LRRK1: variants seen among roughly 807,000 people sequenced by gnomAD.
The protein encoded by LRRK1 is leucine-rich repeat serine/threonine-protein kinase 1.
LRRK1 carries 113 observed loss-of-function variants against 209.1 expected under a neutral mutation model. The observed-to-expected ratio is 0.54, with a 90% CI of 0.46 to 0.63. The LOEUF (loss-of-function observed/expected upper bound fraction) is 0.63, where lower values mean the gene tolerates loss of function less well. Among genes scored for constraint, LRRK1 ranks in the 30% least tolerant of loss-of-function variants. LRRK1 has a pLI of 0.00. For synonymous variants in LRRK1, 1,144 were observed against 1,099.7 expected (o/e 1.04, Z -0.80); for missense variants, 2,284 against 2,632.2 (o/e 0.87, Z 2.89).
chr15:101,064,957 A>AG (rs2036441944), intron 31 of LRRK1: 1 of 229,158 alleles, frequency 4.4e-6, no homozygotes, highest in African/African-American at 2.3e-5. Flanking sequence ...CACCGAGAAA[A>AG]GGGCGGGGGC....
At chr15:100,959,031 G>A (rs11854204) in intron 2 of LRRK1, among the ~76,000 whole-genome samples, 79,348 of 151,988 alleles carry the variant, frequency 0.52, 21,261 homozygotes, top group Middle Eastern at 0.62. Flanking sequence ...TACCACTGTT[G>A]TGCTGAAGTG....
intron 20 of LRRK1, among the ~76,000 whole-genome samples, chr15:101,040,742 A>ATATAT (rs1394443625): frequency 6.6e-6 from 1 of 152,200 alleles, no homozygotes; most frequent in Non-Finnish European, 1.5e-5. Flanking sequence ...AGATTTTCTA[A>ATATAT]TATATCTTAT....
intron 21 of LRRK1, among the ~76,000 whole-genome samples, chr15:101,047,705 G>A (rs531216996): frequency 3.2e-4 from 49 of 152,294 alleles, no homozygotes; most frequent in East Asian, 9.7e-4. Context: ...GGCACGGAGC[G>A]GCCCCGCGCA....
chr15:101,050,378 TG>T (rs1436301891), intron 23 of LRRK1, among the ~76,000 whole-genome samples: 1 of 152,154 alleles, frequency 6.6e-6, no homozygotes, highest in Non-Finnish European at 1.5e-5. Context: ...GTTTTGCTCC[TG>T]GGGTGGAGAC....
chr15:100,929,575 AGGAAG>A (rs1400955098), intron 2 of LRRK1, among the ~76,000 whole-genome samples: 2 of 152,218 alleles, frequency 1.3e-5, no homozygotes, highest in Non-Finnish European at 2.9e-5. Flanking sequence ...AGATCAAATT[AGGAAG>A]AGCCTCTAGG....
At chr15:101,003,752 C>A (rs1452719011) in intron 6 of LRRK1, among the ~76,000 whole-genome samples, 1 of 152,212 alleles carries the variant, frequency 6.6e-6, no homozygotes, top group Non-Finnish European at 1.5e-5. Flanking sequence ...AATTCTCTAT[C>A]TCCTTCAGGA....
intron 2 of LRRK1, among the ~76,000 whole-genome samples, chr15:100,937,284 G>A (rs2042316601): frequency 6.6e-6 from 1 of 151,958 alleles, no homozygotes; most frequent in African/African-American, 2.4e-5. Flanking sequence ...GTACAAAAGG[G>A]AATACAATAA....
intron 2 of LRRK1, among the ~76,000 whole-genome samples, chr15:100,948,186 C>T (rs565321506): frequency 6.6e-6 from 1 of 152,198 alleles, no homozygotes; most frequent in Non-Finnish European, 1.5e-5. Flanking sequence ...ATGTAGGTTT[C>T]TGTTTCTGAG....
At chr15:101,040,224 T>C (rs144334014) in intron 20 of LRRK1, among the ~76,000 whole-genome samples, 23 of 152,274 alleles carry the variant, frequency 1.5e-4, no homozygotes, top group African/African-American at 5.3e-4. Flanking sequence ...TCAATCTATT[T>C]ATTAGCTATA....
chr15:101,029,388 C>T (rs944080978), intron 20 of LRRK1, among the ~76,000 whole-genome samples, 156 bp downstream of exon 20: 4 of 152,092 alleles, frequency 2.6e-5, no homozygotes, highest in Admixed American at 6.5e-5. Context: ...ACCTGCCTGC[C>T]GGGCCTGGGT....
intron 12 of LRRK1, among the ~76,000 whole-genome samples, chr15:101,016,163 T>C (rs945507502): frequency 2.0e-5 from 3 of 152,102 alleles, no homozygotes; most frequent in Non-Finnish European, 4.4e-5. Flanking sequence ...CTAATTTTTG[T>C]ATTTTTGGAG....
chr15:100,999,163 TAGCTATTGGCAAAATTCCTA>T (rs2032571389), intron 6 of LRRK1, among the ~76,000 whole-genome samples: 1 of 152,182 alleles, frequency 6.6e-6, no homozygotes, highest in Admixed American at 6.5e-5. Flanking sequence ...CTCTTTCAAA[TAGCTATTGGCAAAATTCCTA>T]AGCTGGAACT....
chr15:100,936,544 C>T (rs1051927965), intron 2 of LRRK1, among the ~76,000 whole-genome samples: 1 of 152,248 alleles, frequency 6.6e-6, no homozygotes, highest in African/African-American at 2.4e-5. Flanking sequence ...TCTCCTTTAA[C>T]AAGAAGCTAT....
At chr15:101,051,641 A>G (rs76612760) in intron 23 of LRRK1, 70 bp from the exon 24 acceptor site, 150,340 of 1,507,514 alleles carry the variant, frequency 0.1, 11,320 homozygotes, top group East Asian at 0.42. Flanking sequence ...CCTGGGGTGC[A>G]GAGTGCTGCT....
In LRRK1 at chr15:101,020,498, C is replaced by A. The variant is rs189419885; in HGVS notation, c.1610-555C>A. Among the ~76,000 whole-genome samples, 368 of 152,036 alleles carry A rather than the reference C, an allele frequency of 2.4e-3. 1 individual carries two copies. Among genetic ancestry groups the A allele is most frequent in the Middle Eastern group, 0.014 (4 of 294 alleles). ...CAAGTAATTCTCCTGCCTCAGCCCC[C>A]CCGAGTAGCTGGGATTACAGGTGCC... On this transcript the variant is annotated intron_variant, in intron 12 of 33. Transcript: ENST00000388948.
intron 20 of LRRK1, among the ~76,000 whole-genome samples, chr15:101,044,695 C>A (rs763511939): frequency 6.6e-6 from 1 of 152,256 alleles, no homozygotes; most frequent in African/African-American, 2.4e-5. Flanking sequence ...ATGCTCCCCC[C>A]ACTCTCTAAG....
At chr15:100,997,852 C>T (rs1464882944) in intron 6 of LRRK1, among the ~76,000 whole-genome samples, 1 of 152,204 alleles carries the variant, frequency 6.6e-6, no homozygotes, top group African/African-American at 2.4e-5. Flanking sequence ...GGCCACAGCA[C>T]TGCTGTTTAT....
chr15:100,924,470 A>G, intron 1 of LRRK1, 41 bp from the exon 2 acceptor site: 1 of 610,358 alleles, frequency 1.6e-6, no homozygotes, highest in Non-Finnish European at 3.0e-6. Context: ...GGAGGACAGG[A>G]ATTATAAAGG....
intron 2 of LRRK1, among the ~76,000 whole-genome samples, chr15:100,941,366 G>GTAT: frequency 1.3e-5 from 1 of 76,764 alleles, no homozygotes; most frequent in Non-Finnish European, 2.6e-5. Flanking sequence ...GTGTGTGTGT[G>GTAT]CCTGTATGTG....
Sources: allele counts gnomAD v4.1 joint callset (sites outside exome capture counted in the v4.1 genomes callset), GRCh38; gene constraint gnomAD v4.1.1; transcripts MANE v1.5; gene names NCBI Gene and HGNC (gene_info 2026-07-23, HGNC 2026-07-21).